Variants in TMEM170A observed in about 807,000 individuals in gnomAD.
The protein encoded by TMEM170A is transmembrane protein 170.
In TMEM170A, 18 loss-of-function variants were observed where a neutral mutation model predicts 12.8. That is an observed-to-expected ratio of 1.41 (90% confidence interval 0.97 to 2.09). The LOEUF (loss-of-function observed/expected upper bound fraction) is 2.09. Ranked by LOEUF, TMEM170A falls within the 30% of genes most tolerant of loss-of-function variation. The pLI, the probability that TMEM170A is intolerant of heterozygous loss-of-function variation, is 0.00. For missense variants in TMEM170A, 220 were observed against 179.9 expected (o/e 1.22, Z -1.28); for synonymous variants, 107 against 76.2 (o/e 1.40, Z -2.11).
intron 2 of TMEM170A, 77 bp downstream of exon 2, chr16:75,451,592 T>C (rs117489711): frequency 0.011 from 15,643 of 1,475,784 alleles, 119 homozygotes; most frequent in Non-Finnish European, 0.013. Flanking sequence ...CCTACTCAGA[T>C]ATGTTTTCTA....
intron 2 of TMEM170A, among the ~76,000 whole-genome samples, chr16:75,450,163 A>C (rs559349100): frequency 7.0e-5 from 10 of 142,900 alleles, no homozygotes; most frequent in African/African-American, 2.7e-4. Context: ...ACACAGAGAA[A>C]CTAGGCCACT....
chr16:75,448,349 A>C (rs1015340909), intron 2 of TMEM170A, among the ~76,000 whole-genome samples: 9 of 152,346 alleles, frequency 5.9e-5, no homozygotes, highest in Non-Finnish European at 1.3e-4. Flanking sequence ...AATTTCCTGC[A>C]AATTGGAAAA....
intron 1 of TMEM170A, among the ~76,000 whole-genome samples, chr16:75,457,280 C>G (rs1225266859): frequency 6.6e-6 from 1 of 152,178 alleles, no homozygotes; most frequent in Non-Finnish European, 1.5e-5. Flanking sequence ...CCTTAATATC[C>G]CAGAAACACA....
intron 1 of TMEM170A, among the ~76,000 whole-genome samples, chr16:75,455,155 A>G (rs2079766840): frequency 1.3e-5 from 2 of 152,146 alleles, no homozygotes; most frequent in African/African-American, 2.4e-5. Context: ...CAGAAGATTG[A>G]GACCATCCTG....
In TMEM170A at chr16:75,447,003, T is replaced by G. The variant is rs2079597981; in HGVS notation, c.*555A>C. 1 of 152,208 alleles carries G rather than the reference T, an allele frequency of 6.6e-6. No homozygotes were observed. The allele number at this position is 152,208 out of a possible 1,614,324, so 9.4% of individuals were successfully genotyped here. On this transcript the variant is annotated 3_prime_UTR_variant, in exon 3 of 3. Transcript: ENST00000561878. ...TAAACAGTGGAACCAAAGCCACTAC[T>G]TGAGTTATACTTAAATTTTTTTTCC...
At chr16:75,452,231 A>C (rs2079702318) in intron 1 of TMEM170A, among the ~76,000 whole-genome samples, 1 of 151,812 alleles carries the variant, frequency 6.6e-6, no homozygotes, top group African/African-American at 2.4e-5. Context: ...TCGGCCTCCC[A>C]AGTGCTGGGA....
chr16:75,458,712 T>A (rs1359609337), intron 1 of TMEM170A: 1 of 152,162 alleles, frequency 6.6e-6, no homozygotes. Flanking sequence ...AGCTGCTAAA[T>A]TTGTGGAATT....
chr16:75,457,438 CCT>C lies in TMEM170A; in HGVS notation c.134-5601_134-5600del, dbSNP rs764100916. Among the ~76,000 whole-genome samples the C allele has an allele frequency of 3.9e-4, 60 of 151,938 alleles. 1 individual carries two copies. Among genetic ancestry groups the C allele is most frequent in the East Asian group, 1.5e-3 (8 of 5,192 alleles). On this transcript the variant is annotated intron_variant, in intron 1 of 2. Transcript: ENST00000561878. ...GGAAGAGATTCTCAATCTCTTGATA[CCT>C]CTCTCTCTCTGCCATGTGAAGACAT...
chr16:75,453,367 G>A (rs997326531), intron 1 of TMEM170A, among the ~76,000 whole-genome samples: 1 of 152,184 alleles, frequency 6.6e-6, no homozygotes, highest in African/African-American at 2.4e-5. Flanking sequence ...CTGGGAGGCA[G>A]AGGTTGCAGT....
intron 1 of TMEM170A, among the ~76,000 whole-genome samples, chr16:75,456,737 C>T (rs2079805231): frequency 6.6e-6 from 1 of 152,204 alleles, no homozygotes; most frequent in Admixed American, 6.5e-5. Context: ...TCCTCCCTAA[C>T]AAATGTGCAC....
chr16:75,454,874 C>G (rs781724540), intron 1 of TMEM170A, among the ~76,000 whole-genome samples: 36 of 152,304 alleles, frequency 2.4e-4, no homozygotes, highest in Non-Finnish European at 4.3e-4. Context: ...ATGGCCCTTG[C>G]TGCAACAATT....
At chr16:75,450,221 G>C (rs868431327) in intron 2 of TMEM170A, among the ~76,000 whole-genome samples, 3 of 150,578 alleles carry the variant, frequency 2.0e-5, no homozygotes, top group Admixed American at 1.3e-4. Context: ...AAGACATAGA[G>C]GGCGATTTCT....
intron 1 of TMEM170A, among the ~76,000 whole-genome samples, chr16:75,461,096 C>G (rs764442329): frequency 4.6e-5 from 7 of 152,170 alleles, no homozygotes; most frequent in Non-Finnish European, 8.8e-5. Flanking sequence ...CTCTGTGGCC[C>G]AGGCTGGAGT....
At chr16:75,464,416 C>T (rs2079961493) in intron 1 of TMEM170A, 52 bp downstream of exon 1, 31 of 1,397,950 alleles carry the variant, frequency 2.2e-5, no homozygotes, top group Non-Finnish European at 2.8e-5. Flanking sequence ...GCCCACAGCA[C>T]GGCAGCGGCG....
Position 75,447,493 on chromosome 16 carries a change from C to A in TMEM170A, c.*65G>T. ...GAAGAACTAAGAAAACACTACACTC[C>A]ATAATGTATTCTTTTGGAGGATTCC... On this transcript the variant is annotated 3_prime_UTR_variant, in exon 3 of 3. Coordinates refer to ENST00000561878, the MANE Select transcript of TMEM170A (RefSeq NM_145254.3). The A allele has an allele frequency of 6.5e-7, 1 of 1,537,762 alleles. No individual in the cohort carries two copies. Among genetic ancestry groups the A allele is most frequent in the Non-Finnish European group, 8.7e-7 (1 of 1,143,916 alleles).
At chr16:75,456,092 G>A (rs1372259595) in intron 1 of TMEM170A, among the ~76,000 whole-genome samples, 1 of 152,168 alleles carries the variant, frequency 6.6e-6, no homozygotes, top group South Asian at 2.1e-4. Context: ...ATTGGAGATA[G>A]GGGTGGAGCC....
chr16:75,462,064 T>C (rs2079918643), intron 1 of TMEM170A, among the ~76,000 whole-genome samples: 1 of 152,176 alleles, frequency 6.6e-6, no homozygotes, highest in South Asian at 2.1e-4. Flanking sequence ...CAGGAACCCT[T>C]ACAGTAGAGA....
intron 1 of TMEM170A, among the ~76,000 whole-genome samples, chr16:75,454,747 G>T (rs149823333): frequency 1.8e-4 from 27 of 152,320 alleles, no homozygotes; most frequent in Non-Finnish European, 3.2e-4. Context: ...TGCCAGTATA[G>T]GTTTTGAGCA....
At position 75,445,674 on chromosome 16, in the gene TMEM170A, G is replaced by T. The variant is rs1025739617; in HGVS notation, c.*1884C>A. The T allele has an allele frequency of 2.6e-5, 4 of 151,498 alleles. No homozygotes were observed. Among genetic ancestry groups the T allele is most frequent in the African/African-American group, 7.3e-5 (3 of 41,288 alleles). The allele number at this position is 151,498 out of a possible 1,614,324, so 9.4% of individuals were successfully genotyped here. Reference sequence around the variant, plus strand: ...TAATTCTTTTCTATGAGTTTCCCTGGCAAATTGGTCCTCCTGACTTTTTTC... The same window carrying T: ...TAATTCTTTTCTATGAGTTTCCCTGTCAAATTGGTCCTCCTGACTTTTTTC... On this transcript the variant is annotated 3_prime_UTR_variant, in exon 3 of 3. Transcript: ENST00000561878.
Sources: gnomAD v4.1 joint callset for allele counts (sites outside exome capture counted in the v4.1 genomes callset) on GRCh38, gnomAD v4.1.1 for gene constraint, MANE v1.5 for transcripts, NCBI Gene and HGNC (gene_info 2026-07-23, HGNC 2026-07-21) for gene names.